Variants in STON2 observed in about 807,000 individuals in gnomAD.
The protein encoded by STON2 is stonin 2.
In STON2, 29 loss-of-function variants were observed where a neutral mutation model predicts 65.7. The ratio of observed to expected loss-of-function variants is 0.44; its 90% CI spans 0.33 to 0.60. The LOEUF is 0.60. Among genes scored for constraint, STON2 ranks in the 20% least tolerant of loss-of-function variants. STON2 has a pLI of 0.03. For missense variants in STON2, 1,054 were observed against 1,118.1 expected (o/e 0.94, Z 0.82); for synonymous variants, 404 against 414.2 (o/e 0.98, Z 0.30).
chr14:81,310,149 C>T (rs764869385), intron 5 of STON2, among the ~76,000 whole-genome samples: 7 of 152,134 alleles, frequency 4.6e-5, no homozygotes, highest in Non-Finnish European at 7.4e-5. Context: ...TGAAAGACAA[C>T]GGTGTAAGTC....
chr14:81,429,833 G>A (rs969136949), intron 1 of STON2, among the ~76,000 whole-genome samples: 5 of 152,182 alleles, frequency 3.3e-5, no homozygotes, highest in African/African-American at 1.2e-4. Flanking sequence ...TACTCGGCAG[G>A]CTGAGGCAGG....
intron 7 of STON2, 113 bp downstream of exon 7, chr14:81,270,557 G>T (rs1208042296): frequency 1.9e-6 from 3 of 1,598,720 alleles, no homozygotes; most frequent in African/African-American, 2.7e-5. Flanking sequence ...CTCTAAGGCA[G>T]TAAGAGGTTA....
chr14:81,342,174 CTT>C (rs1897638738), intron 4 of STON2, among the ~76,000 whole-genome samples: 1 of 151,988 alleles, frequency 6.6e-6, no homozygotes, highest in East Asian at 1.9e-4. Context: ...GAGTTTCACT[CTT>C]GTTGCCCGGG....
chr14:81,347,631 A>AC (rs1202489249), intron 4 of STON2, among the ~76,000 whole-genome samples: 6 of 150,084 alleles, frequency 4.0e-5, no homozygotes, highest in East Asian at 1.9e-4. Context: ...AAAAAAAAAA[A>AC]AAAAAACCCT....
intron 4 of STON2, among the ~76,000 whole-genome samples, chr14:81,338,031 C>T (rs1897444156): frequency 6.6e-6 from 1 of 152,196 alleles, no homozygotes; most frequent in Non-Finnish European, 1.5e-5. Flanking sequence ...TCCTAAAGCT[C>T]TTGTAGATAG....
chr14:81,431,858 T>A (rs137898540), intron 1 of STON2, among the ~76,000 whole-genome samples: 3,139 of 151,614 alleles, frequency 0.021, 118 homozygotes, highest in East Asian at 0.16. Context: ...GGCAGGAGAA[T>A]CCCTTGAACC....
chr14:81,316,930 G>A (rs889210423), intron 5 of STON2, among the ~76,000 whole-genome samples: 1 of 152,176 alleles, frequency 6.6e-6, no homozygotes, highest in Non-Finnish European at 1.5e-5. Context: ...TGAGGCAGGA[G>A]AATGGCGTGA....
rs137960146 is a variant in STON2, at chr14:81,306,202, T to C, written c.742+17815A>G. On this transcript the variant is annotated intron_variant, in intron 5 of 7. Coordinates refer to ENST00000614646, the MANE Select transcript of STON2 (RefSeq NM_001394390.1). The stretch of plus-strand genomic sequence containing the variant: ...ATATATATACACTCTATTTTATATA[T>C]ACACACACATACATACTCTTTTTTT... Among the ~76,000 whole-genome samples, 39 of 145,726 alleles carry C rather than the reference T, an allele frequency of 2.7e-4. No individual in the cohort carries two copies. In the East Asian group the frequency reaches 6.7e-3, roughly 25 times the overall value.
rs571091914 is a variant in STON2 at position 81,368,902 on chromosome 14, C to T, written c.571+2086G>A. ...TAGTTTCTGGTGAGGATCAAGTGTG[C>T]TGGCTATTCCAACACACCTGTTTGC... On this transcript the variant is annotated intron_variant, in intron 4 of 7. Coordinates refer to ENST00000614646, the MANE Select transcript of STON2 (RefSeq NM_001394390.1). 4.6e-5 allele frequency among the ~76,000 whole-genome samples: 7 copies of T among 152,266 alleles called. No individual in the cohort carries two copies. The South Asian group carries it at 1.5e-3, about 32-fold the overall frequency.
At chr14:81,291,329 A>C (rs1895546576) in intron 5 of STON2, among the ~76,000 whole-genome samples, 1 of 152,218 alleles carries the variant, frequency 6.6e-6, no homozygotes, top group South Asian at 2.1e-4. Flanking sequence ...ATACCAAAGA[A>C]GTACAGGAAT....
rs151156754 is a variant in STON2 at position 81,355,692 on chromosome 14, G to A, written c.571+15296C>T. On this transcript the variant is annotated intron_variant, in intron 4 of 7. Coordinates refer to ENST00000614646, the MANE Select transcript of STON2 (RefSeq NM_001394390.1). ...ATGCTGCTATTAAATCATAAATAACGTAAAAATTATGAAAGCACAAAACCC... is the reference window on the plus strand; with the variant it reads ...ATGCTGCTATTAAATCATAAATAACATAAAAATTATGAAAGCACAAAACCC... Among the ~76,000 whole-genome samples, 1,205 of 152,246 alleles carry A rather than the reference G, an allele frequency of 7.9e-3. 14 individuals carry two copies. The highest frequency in any genetic ancestry group is 0.027 in the African/African-American group (1,127 of 41,538).
chr14:81,264,333 C>G lies in STON2; in HGVS notation c.*4081G>C. On this transcript the variant is annotated 3_prime_UTR_variant, in exon 8 of 8. Transcript: ENST00000614646. ...AAGTCCTTCAGGAAATAAAAGCATG[C>G]TTGCTGGCTTTATTATGAGTATTTG... The G allele has an allele frequency of 1.0e-6, 1 of 985,434 alleles. No individual in the cohort carries two copies. The highest frequency in any genetic ancestry group is 1.2e-6 in the Non-Finnish European group (1 of 829,928). The allele number at this position is 985,434 out of a possible 1,614,324, so 61.0% of individuals were successfully genotyped here.
In STON2 at chr14:81,261,356, G is replaced by A. The variant is rs1894135608; in HGVS notation, c.*7058C>T. 6.5e-6 allele frequency: 1 copy of A among 152,702 alleles called. No homozygotes were observed. The highest frequency in any genetic ancestry group is 1.5e-5 in the Non-Finnish European group (1 of 68,468). 9.5% of individuals were successfully genotyped at this position (152,702 alleles called of 1,614,324 possible). A position where few individuals can be genotyped will look rare whatever the true frequency, so the allele number is the denominator to read the frequency against. On this transcript the variant is annotated 3_prime_UTR_variant, in exon 8 of 8. Coordinates refer to ENST00000614646, the MANE Select transcript of STON2 (RefSeq NM_001394390.1). ...GGGTAACACGAGCAAGCAGGAAGAGGATGCTGGAATTCCTTACTCTGTCCA... is the reference window on the plus strand; with the variant it reads ...GGGTAACACGAGCAAGCAGGAAGAGAATGCTGGAATTCCTTACTCTGTCCA...
chr14:81,264,918 G>A lies in STON2; in HGVS notation c.*3496C>T. 2.0e-6 allele frequency: 2 copies of A among 985,242 alleles called. No homozygotes were observed. Among genetic ancestry groups the A allele is most frequent in the Non-Finnish European group, 2.4e-6 (2 of 829,898 alleles). 61.0% of individuals were successfully genotyped at this position (985,242 alleles called of 1,614,324 possible). ...TCATGAGTACATTTCTTATCTTTTT[G>A]CTGTAAAGTCAAAAAGCAGGCCCTA... On this transcript the variant is annotated 3_prime_UTR_variant, in exon 8 of 8. Transcript: ENST00000614646.
At chr14:81,379,787 G>C (rs1899426642) in intron 3 of STON2, among the ~76,000 whole-genome samples, 1 of 152,142 alleles carries the variant, frequency 6.6e-6, no homozygotes, top group South Asian at 2.1e-4. Flanking sequence ...AAACTGCCTA[G>C]CCATTTGCAG....
intron 5 of STON2, among the ~76,000 whole-genome samples, chr14:81,287,644 G>A (rs1388113957): frequency 2.6e-5 from 4 of 152,092 alleles, no homozygotes; most frequent in African/African-American, 9.7e-5. Context: ...TAAGTTTGTT[G>A]ACTGGTCCAG....
chr14:81,410,197 T>C (rs1901079972), intron 2 of STON2, among the ~76,000 whole-genome samples: 1 of 151,230 alleles, frequency 6.6e-6, no homozygotes, highest in Non-Finnish European at 1.5e-5. Context: ...TGTTTCTCTA[T>C]TTTTTATGTG....
intron 4 of STON2, among the ~76,000 whole-genome samples, chr14:81,327,388 T>C (rs568123384): frequency 6.6e-6 from 1 of 151,958 alleles, no homozygotes; most frequent in East Asian, 1.9e-4. Context: ...TCCCACAATC[T>C]ACATTTTGAT....
Position 81,306,220 on chromosome 14 carries a change from C to CTAT in STON2, c.742+17796_742+17797insATA, listed in dbSNP as rs1555397665. Among the ~76,000 whole-genome samples, 46 of 69,510 alleles carry CTAT rather than the reference C, an allele frequency of 6.6e-4. 9 individuals are homozygous for CTAT. Among genetic ancestry groups the CTAT allele is most frequent in the Admixed American group, 8.9e-4 (4 of 4,496 alleles). 45.6% of individuals were successfully genotyped at this position (69,510 alleles called of 152,430 possible). On this transcript the variant is annotated intron_variant, in intron 5 of 7. Transcript: ENST00000614646. ...TTATATATACACACACATACATACTCTTTTTTTTTTTTTTTTTTTTTTTTT... is the reference window on the plus strand; with the variant it reads ...TTATATATACACACACATACATACTCTATTTTTTTTTTTTTTTTTTTTTTTTTT...
Sources: allele counts gnomAD v4.1 joint callset (sites outside exome capture counted in the v4.1 genomes callset), GRCh38; gene constraint gnomAD v4.1.1; transcripts MANE v1.5; gene names NCBI Gene and HGNC (gene_info 2026-07-23, HGNC 2026-07-21).